Variants in MGAT4C observed in about 807,000 individuals in gnomAD.
MGAT4C encodes the protein alpha-1,3-mannosyl-glycoprotein 4-beta-N-acetylglucosaminyltransferase C.
MGAT4C carries 19 observed loss-of-function variants against 40.1 expected under a neutral mutation model. The observed-to-expected ratio is 0.47, with a 90% CI of 0.33 to 0.70. The LOEUF is 0.70. Ranked by LOEUF, MGAT4C falls within the 30% of genes least tolerant of loss-of-function variation. MGAT4C has a pLI of 0.02. For synonymous variants in MGAT4C, 181 were observed against 187.1 expected, an observed-to-expected ratio of 0.97 and a Z score of 0.27; for missense variants, 491 against 563.2, an observed-to-expected ratio of 0.87 and a Z score of 1.30.
rs1241450271 is a variant in MGAT4C, at chr12:85,976,287, C to T, written c.*3002G>A. On this transcript the variant is annotated 3_prime_UTR_variant, in exon 5 of 5. Transcript: ENST00000611864. ...TGGAAAATATCTACTTTATAAATAG[C>T]ACAAAGTTATAGTTTTCAATGAATA... The T allele has an allele frequency of 6.6e-6, 1 of 150,888 alleles. No homozygotes were observed. The highest frequency in any genetic ancestry group is 1.5e-5 in the Non-Finnish European group (1 of 67,150). 9.3% of individuals were successfully genotyped at this position (150,888 alleles called of 1,614,324 possible). A position where few individuals can be genotyped will look rare whatever the true frequency, so the allele number is the denominator to read the frequency against.
chr12:86,012,192 C>T (rs186196694), intron 2 of MGAT4C, among the ~76,000 whole-genome samples: 1 of 152,104 alleles, frequency 6.6e-6, no homozygotes, highest in Admixed American at 6.5e-5. Context: ...AACGGCATAT[C>T]CCACGATACT....
chr12:86,075,744 G>A (rs1592863113), intron 1 of MGAT4C, among the ~76,000 whole-genome samples: 1 of 152,196 alleles, frequency 6.6e-6, no homozygotes, highest in African/African-American at 2.4e-5. Flanking sequence ...GTGCAGGCTT[G>A]GGGCTTCCAT....
In MGAT4C at chr12:85,957,657, C is replaced by CAAAAAAAAAAAAAAGA. The variant is rs1882870520; in HGVS notation, c.*21631_*21632insTCTTTTTTTTTTTTTT. ...TTTACTGTAGAGTTGAATAAGAAAG[C>CAAAAAAAAAAAAAAGA]AAAAAAAAAAAAAAAAGAAAAAAGA... On this transcript the variant is annotated 3_prime_UTR_variant, in exon 5 of 5. Coordinates refer to ENST00000611864, the MANE Select transcript of MGAT4C (RefSeq NM_001351288.2). 3.9e-5 allele frequency: 4 copies of CAAAAAAAAAAAAAAGA among 101,306 alleles called. No individual in the cohort carries two copies. The highest frequency in any genetic ancestry group is 5.7e-5 in the Non-Finnish European group (3 of 52,742). 6.3% of individuals were successfully genotyped at this position (101,306 alleles called of 1,614,324 possible). A position where few individuals can be genotyped will look rare whatever the true frequency, so the allele number is the denominator to read the frequency against.
At chr12:86,066,847 C>T (rs796741626) in intron 1 of MGAT4C, among the ~76,000 whole-genome samples, 2 of 152,080 alleles carry the variant, frequency 1.3e-5, no homozygotes, top group African/African-American at 4.8e-5. Flanking sequence ...CAACAAAGAA[C>T]TTCAACAAAT....
chr12:86,749,383 T>C (rs1472530129), intron 1 of MGAT4C, among the ~76,000 whole-genome samples: 1 of 151,750 alleles, frequency 6.6e-6, no homozygotes, highest in African/African-American at 2.4e-5. Context: ...CTTTTGCATC[T>C]GTAAGATGTC....
chr12:86,065,123 A>G (rs1374411728), intron 1 of MGAT4C, among the ~76,000 whole-genome samples: 1 of 152,192 alleles, frequency 6.6e-6, no homozygotes, highest in African/African-American at 2.4e-5. Flanking sequence ...GCTGCATTCT[A>G]CCAGAGGTAC....
chr12:86,235,571 A>G (rs1951499819), intron 1 of MGAT4C, among the ~76,000 whole-genome samples: 1 of 151,764 alleles, frequency 6.6e-6, no homozygotes, highest in Non-Finnish European at 1.5e-5. Flanking sequence ...TTTCAGGTTG[A>G]TATGGAATAT....
intron 1 of MGAT4C, among the ~76,000 whole-genome samples, chr12:86,745,537 A>T (rs1202977493): frequency 2.0e-5 from 3 of 151,618 alleles, no homozygotes; most frequent in Non-Finnish European, 4.4e-5. Context: ...AAAGGAAGTT[A>T]AACAGCAAGA....
intron 1 of MGAT4C, among the ~76,000 whole-genome samples, chr12:86,138,030 T>C (rs951029859): frequency 6.6e-6 from 1 of 152,166 alleles, no homozygotes; most frequent in Admixed American, 6.5e-5. Context: ...CCCTACTCCC[T>C]TACCAGTTTC....
In MGAT4C at chr12:86,158,490, A is replaced by G. The variant is rs192469935; in HGVS notation, c.-57+97749T>C. Reference sequence around the variant, plus strand: ...TAAATGTTCAATACAATAAATAAGCAAAAATTTAAAAACTGTAACTTTATT... The same window carrying G: ...TAAATGTTCAATACAATAAATAAGCGAAAATTTAAAAACTGTAACTTTATT... On this transcript the variant is annotated intron_variant, in intron 1 of 4. Coordinates refer to ENST00000611864, the MANE Select transcript of MGAT4C (RefSeq NM_001351288.2). Among the ~76,000 whole-genome samples, 281 of 152,304 alleles carry G rather than the reference A, an allele frequency of 1.8e-3. 1 individual carries two copies. Among genetic ancestry groups the G allele is most frequent in the African/African-American group, 6.5e-3 (271 of 41,588 alleles).
chr12:86,712,074 T>C (rs1950565504), intron 2 of MGAT4C, among the ~76,000 whole-genome samples: 2 of 152,166 alleles, frequency 1.3e-5, no homozygotes, highest in South Asian at 4.1e-4. Context: ...CCCTTTAGAT[T>C]CTAAATTTGT....
At chr12:86,525,198 C>G (rs375375831) in intron 2 of MGAT4C, among the ~76,000 whole-genome samples, 2 of 152,260 alleles carry the variant, frequency 1.3e-5, no homozygotes, top group East Asian at 3.9e-4. Context: ...ATGCTGTTCT[C>G]ATTATACTGA....
chr12:85,962,279 G>A lies in MGAT4C; in HGVS notation c.*17010C>T, dbSNP rs561583935. The A allele has an allele frequency of 6.6e-5, 10 of 151,390 alleles. No individual in the cohort carries two copies. Among genetic ancestry groups the A allele is most frequent in the South Asian group, 2.1e-4 (1 of 4,810 alleles). The allele number at this position is 151,390 out of a possible 1,614,324, so 9.4% of individuals were successfully genotyped here. ...GTCTAAATATCCCAACATATCTTTC[G>A]TTTTGAGATCTGCAGAACAAAGTCA... is the stretch of plus-strand genomic sequence containing the variant. On this transcript the variant is annotated 3_prime_UTR_variant, in exon 5 of 5. Coordinates refer to ENST00000611864, the MANE Select transcript of MGAT4C (RefSeq NM_001351288.2).
intron 2 of MGAT4C, among the ~76,000 whole-genome samples, chr12:86,499,863 T>C (rs1191933401): frequency 1.3e-5 from 2 of 151,904 alleles, no homozygotes; most frequent in South Asian, 2.1e-4. Flanking sequence ...AGAGAGTATA[T>C]ACAGCCAAAA....
chr12:86,305,992 T>C (rs942185704), intron 4 of MGAT4C, among the ~76,000 whole-genome samples: 8 of 150,618 alleles, frequency 5.3e-5, no homozygotes, highest in Non-Finnish European at 8.8e-5. Flanking sequence ...GTACATTATA[T>C]CTTTAATGTA....
At chr12:86,071,544 T>C (rs1342927758) in intron 1 of MGAT4C, among the ~76,000 whole-genome samples, 1 of 152,122 alleles carries the variant, frequency 6.6e-6, no homozygotes, top group Non-Finnish European at 1.5e-5. Context: ...GTTGCTCTTA[T>C]GAAGGCTGCT....
At chr12:86,123,186 C>A in intron 1 of MGAT4C, among the ~76,000 whole-genome samples, 1 of 152,014 alleles carries the variant, frequency 6.6e-6, no homozygotes, top group East Asian at 1.9e-4. Flanking sequence ...TTAGCCAGCT[C>A]ATAAAAATAG....
chr12:85,989,819 A>T (rs1885677813), intron 2 of MGAT4C, among the ~76,000 whole-genome samples: 1 of 152,138 alleles, frequency 6.6e-6, no homozygotes, highest in South Asian at 2.1e-4. Flanking sequence ...AACTTTGGTC[A>T]TAATAATGTA....
At position 85,970,384 on chromosome 12, in the gene MGAT4C, G is replaced by C. The variant is rs909582603; in HGVS notation, c.*8905C>G. On this transcript the variant is annotated 3_prime_UTR_variant, in exon 5 of 5. Coordinates refer to ENST00000611864, the MANE Select transcript of MGAT4C (RefSeq NM_001351288.2). ...TGGACAAAATTTAGTTTTATCTTGT[G>C]GTCTGGAAATACACCCTAAATTATT... The C allele has an allele frequency of 4.6e-5, 7 of 151,154 alleles. No homozygotes were observed. The highest frequency in any genetic ancestry group is 1.7e-4 in the African/African-American group (7 of 41,314). The allele number at this position is 151,154 out of a possible 1,614,324, so 9.4% of individuals were successfully genotyped here.
Sources: gnomAD v4.1 joint callset for allele counts (sites outside exome capture counted in the v4.1 genomes callset) on GRCh38, gnomAD v4.1.1 for gene constraint, MANE v1.5 for transcripts, NCBI Gene and HGNC (gene_info 2026-07-23, HGNC 2026-07-21) for gene names.